The following EPB41L1 variants were observed in gnomAD, a reference collection of about 807,000 sequenced individuals.
EPB41L1 encodes erythrocyte membrane protein band 4.1 like 1, also known as band 4.1-like protein 1.
Under a neutral mutation model 97.8 loss-of-function variants are expected in EPB41L1, and 29 were observed. The observed-to-expected ratio is 0.30, with a 90% CI of 0.22 to 0.40. The LOEUF (loss-of-function observed/expected upper bound fraction) is 0.40, where lower values mean the gene tolerates loss of function less well. Among genes scored for constraint, EPB41L1 ranks in the 10% least tolerant of loss-of-function variants. EPB41L1 has a pLI of 1.00. For missense variants in EPB41L1, 812 were observed against 1,162.3 expected (o/e 0.70, Z 4.38); for synonymous variants, 383 against 459.2 (o/e 0.83, Z 2.12).
In EPB41L1 at chr20:36,207,713, C is replaced by T. The variant is rs141250472; in HGVS notation, c.1669-1775C>T. 1.0e-5 allele frequency: 13 copies of T among 1,289,918 alleles called. No individual in the cohort carries two copies. The highest frequency in any genetic ancestry group is 1.1e-4 in the East Asian group (2 of 18,028). The allele number at this position is 1,289,918 out of a possible 1,614,324, so 79.9% of individuals were successfully genotyped here. A position where few individuals can be genotyped will look rare whatever the true frequency, so the allele number is the denominator to read the frequency against. On this transcript the variant is annotated intron_variant, in intron 14 of 21. Coordinates refer to ENST00000338074, the MANE Select transcript of EPB41L1 (RefSeq NM_012156.2). This position sits in a 1 kb window ranked among gnomAD's most constrained non-coding sequence, Gnocchi z 4.9. ...TCTGCATCCTACCAGGAAGCACACA[C>T]GGAACTAGAGCCCGTGTCCCCCAAT...
intron 2 of EPB41L1, among the ~76,000 whole-genome samples, chr20:36,175,041 G>T (rs981221310): frequency 6.6e-6 from 1 of 152,156 alleles, no homozygotes. Context: ...AGGCCTGGAG[G>T]GGGCAGGGAC....
intron 9 of EPB41L1, among the ~76,000 whole-genome samples, chr20:36,188,873 T>G (rs1314171839): frequency 6.9e-6 from 1 of 144,192 alleles, no homozygotes; most frequent in African/African-American, 2.6e-5. Context: ...AGCAAGACTC[T>G]GTCTCAAAAA....
chr20:36,144,936 G>T (rs1213288586), intron 2 of EPB41L1, among the ~76,000 whole-genome samples: 2 of 152,112 alleles, frequency 1.3e-5, no homozygotes, highest in African/African-American at 4.8e-5. Context: ...ACTGAGCCAG[G>T]ATATGAAGTC....
intron 1 of EPB41L1, among the ~76,000 whole-genome samples, chr20:36,101,110 T>A (rs569235347): frequency 3.3e-5 from 5 of 152,180 alleles, no homozygotes; most frequent in Non-Finnish European, 5.9e-5. Context: ...TTTTGTCTCC[T>A]CACAAGACTG....
chr20:36,220,897 G>C (rs1385041691), intron 19 of EPB41L1, among the ~76,000 whole-genome samples: 1 of 152,188 alleles, frequency 6.6e-6, no homozygotes, highest in Non-Finnish European at 1.5e-5. Context: ...GCCATCAGAG[G>C]AGAACTCTGG....
chr20:36,195,351 G>C lies in EPB41L1; in HGVS notation c.1472G>C (p.Arg491Thr), dbSNP rs755103656. ...TAGCCGGAGCAGGAAACCACGCCGA[G>C]ACACAAGCAGGAGGTACTGCATGGG... ...ELKPEQETTPRHKQEFLDKPE... is the reference protein window; with the variant it reads ...ELKPEQETTPTHKQEFLDKPE... The change falls in exon 13 of 22, where the codon AGA becomes ACA. Residue 491 changes from arginine to threonine, a missense_variant. By Grantham distance (71) the Arg-to-Thr change is moderately conservative (BLOSUM62 -1). This residue lies in a region of EPB41L1 where 498 missense variants were observed against 622.7 expected (regional missense o/e 0.80). Transcript: ENST00000338074. This position sits in a 1 kb window ranked among gnomAD's most constrained non-coding sequence, Gnocchi z 4.6. 1 of 1,613,938 alleles carries C rather than the reference G, an allele frequency of 6.2e-7. No individual in the cohort carries two copies. The highest frequency in any genetic ancestry group is 2.2e-5 in the East Asian group (1 of 44,858).
chr20:36,221,749 A>G, intron 19 of EPB41L1, 115 bp from the exon 20 acceptor site: 1 of 872,892 alleles, frequency 1.1e-6, no homozygotes, highest in Non-Finnish European at 1.9e-6. Flanking sequence ...GTCAGGAGAG[A>G]AGGTAACTGC....
At chr20:36,205,792 C>T (rs2146707972) in intron 14 of EPB41L1, 1 of 1,237,944 alleles carries the variant, frequency 8.1e-7, no homozygotes, top group Middle Eastern at 2.3e-4. Context: ...AAAACTCACC[C>T]ATTCTTCAGG....
rs773707992 is a variant in EPB41L1, at chr20:36,208,368, A to AG, written c.1669-1113dup. On this transcript the variant is annotated intron_variant, in intron 14 of 21. Coordinates refer to ENST00000338074, the MANE Select transcript of EPB41L1 (RefSeq NM_012156.2). Reference sequence around the variant, plus strand: ...AACTTAGCAGCCAACACCCCTGGGAAGGGGGGGCGCCTGAGATTTGCCAGC... The same window carrying AG: ...AACTTAGCAGCCAACACCCCTGGGAAGGGGGGGGCGCCTGAGATTTGCCAGC... The AG allele has an allele frequency of 6.2e-5, 28 of 450,318 alleles. 1 individual carries two copies. Among genetic ancestry groups the AG allele is most frequent in the Admixed American group, 1.4e-4 (6 of 41,614 alleles). The allele number at this position is 450,318 out of a possible 1,614,324, so 27.9% of individuals were successfully genotyped here.
intron 21 of EPB41L1, among the ~76,000 whole-genome samples, chr20:36,226,824 G>A (rs909988918): frequency 3.9e-5 from 6 of 152,104 alleles, no homozygotes; most frequent in Admixed American, 2.6e-4. Flanking sequence ...ATGGGCTTAC[G>A]AAGACATCCC....
In EPB41L1 at chr20:36,207,757, C is replaced by T. The variant is rs1164936300; in HGVS notation, c.1669-1731C>T. On this transcript the variant is annotated intron_variant, in intron 14 of 21. Transcript: ENST00000338074. The surrounding 1 kb of genome is among the most constrained non-coding windows in gnomAD (Gnocchi z 4.9). ...CCCCAATTCAGGCTGTGAAACCACG[C>T]TGGCAGAAGCTACTGGAACTGGGGT... 1.0e-5 allele frequency: 13 copies of T among 1,289,614 alleles called. No homozygotes were observed. The highest frequency in any genetic ancestry group is 2.5e-5 in the South Asian group (2 of 81,016). 79.9% of individuals were successfully genotyped at this position (1,289,614 alleles called of 1,614,324 possible). A position where few individuals can be genotyped will look rare whatever the true frequency, so the allele number is the denominator to read the frequency against.
intron 14 of EPB41L1, among the ~76,000 whole-genome samples, chr20:36,203,174 G>A (rs1389862882): frequency 1.3e-5 from 2 of 152,214 alleles, no homozygotes; most frequent in Non-Finnish European, 2.9e-5. Flanking sequence ...GGCTCTACCC[G>A]TGCCTTCGCA....
chr20:36,159,183 G>C (rs1407483869), intron 1 of EPB41L1, among the ~76,000 whole-genome samples: 1 of 152,154 alleles, frequency 6.6e-6, no homozygotes, highest in Non-Finnish European at 1.5e-5. Flanking sequence ...GAGAAGGGCT[G>C]GTCTCCCTTT....
chr20:36,152,329 A>G (rs543600102), upstream of EPB41L1: 2 of 152,586 alleles, frequency 1.3e-5, no homozygotes, highest in East Asian at 3.8e-4. Flanking sequence ...ATGTCTGGGA[A>G]CATCCTGCCT....
At chr20:36,113,835 G>A (rs549378957) in intron 2 of EPB41L1, 3 of 152,732 alleles carry the variant, frequency 2.0e-5, no homozygotes, top group African/African-American at 7.2e-5. Context: ...CTCCGTTAAG[G>A]GGAGGTTGAG....
At chr20:36,126,597 C>T (rs1179808251) in intron 2 of EPB41L1, among the ~76,000 whole-genome samples, 1 of 152,134 alleles carries the variant, frequency 6.6e-6, no homozygotes, top group East Asian at 1.9e-4. Flanking sequence ...AACTCCCGAC[C>T]TCGGATGATC....
intron 2 of EPB41L1, among the ~76,000 whole-genome samples, chr20:36,147,887 T>C (rs2059902194): frequency 6.6e-6 from 1 of 152,218 alleles, no homozygotes; most frequent in Non-Finnish European, 1.5e-5. Context: ...GGTGGACATC[T>C]GTATCTAGTG....
chr20:36,224,405 T>C (rs1044972622), intron 21 of EPB41L1, among the ~76,000 whole-genome samples: 5 of 152,204 alleles, frequency 3.3e-5, no homozygotes, highest in South Asian at 2.1e-4. Context: ...CTCAGCACTT[T>C]AGGAGGCCAA....
chr20:36,211,221 T>A (rs1411779452), intron 15 of EPB41L1, among the ~76,000 whole-genome samples: 2 of 151,548 alleles, frequency 1.3e-5, no homozygotes, highest in Non-Finnish European at 2.9e-5. Context: ...ACCTTGTCTC[T>A]ACTAAAAATA....
Sources: gnomAD v4.1 joint callset for allele counts (sites outside exome capture counted in the v4.1 genomes callset) on GRCh38, gnomAD v4.1.1 for gene constraint, gnomAD v4.1.1 regional missense constraint, Gnocchi (gnomAD v3.1) non-coding constraint, MANE v1.5 for transcripts, NCBI Gene and HGNC (gene_info 2026-07-23, HGNC 2026-07-21) for gene names.